BANK1: variants seen among roughly 807,000 people sequenced by gnomAD.
The protein encoded by BANK1 is B-cell scaffold protein with ankyrin repeats.
Under a neutral mutation model 94.5 loss-of-function variants are expected in BANK1, and 95 were observed. The observed-to-expected ratio is 1.00, with a 90% CI of 0.85 to 1.19. The LOEUF (loss-of-function observed/expected upper bound fraction) is 1.19, where lower values mean the gene tolerates loss of function less well. Among genes scored for constraint, BANK1 ranks in the 50% most tolerant of loss-of-function variants. The pLI is 0.00. For synonymous variants in BANK1, 334 were observed against 308.4 expected (o/e 1.08, Z -0.87); for missense variants, 987 against 932.2 (o/e 1.06, Z -0.77).
chr4:102,063,195 A>C (rs1728482672), intron 13 of BANK1, 57 bp downstream of exon 13: 4 of 1,474,350 alleles, frequency 2.7e-6, no homozygotes, highest in African/African-American at 2.8e-5. Context: ...TGAAAATTCA[A>C]GGACTGTGGA....
At chr4:102,052,120 T>TC (rs1333432059) in intron 11 of BANK1, among the ~76,000 whole-genome samples, 17 of 84,882 alleles carry the variant, frequency 2.0e-4, no homozygotes, top group Middle Eastern at 4.9e-3. Flanking sequence ...TTTCTTTTTT[T>TC]TTTTTTTTTT....
chr4:102,030,182 TCATTATAAATAGACCTCCTGCCCC>T lies in BANK1; in HGVS notation c.1820_1843del (p.Ile607_Pro614del). The T allele has an allele frequency of 1.2e-6, 2 of 1,614,064 alleles. No homozygotes were observed. The highest frequency in any genetic ancestry group is 1.7e-6 in the Non-Finnish European group (2 of 1,179,978). On this transcript the variant is annotated inframe_deletion, in exon 10 of 17. Coordinates refer to ENST00000322953, the MANE Select transcript of BANK1 (RefSeq NM_017935.5). ...AAGAAAAAAACTGGGAGTCGGTCTTTCATTATAAATAGACCTCCTGCCCCCACACCCCGACCCACAAGTATACCT... is the reference window on the plus strand; with the variant it reads ...AAGAAAAAAACTGGGAGTCGGTCTTTCACACCCCGACCCACAAGTATACCT...
At chr4:101,874,209 T>C (rs1314688868) in intron 5 of BANK1, among the ~76,000 whole-genome samples, 2 of 152,226 alleles carry the variant, frequency 1.3e-5, no homozygotes, top group Non-Finnish European at 2.9e-5. Context: ...TTTGATTTGC[T>C]GCCTGCAAAT....
At chr4:102,037,393 T>A (rs1727544343) in intron 10 of BANK1, among the ~76,000 whole-genome samples, 1 of 152,212 alleles carries the variant, frequency 6.6e-6, no homozygotes, top group Admixed American at 6.5e-5. Flanking sequence ...ATAGATGAAA[T>A]CACAGGTGCA....
intron 1 of BANK1, among the ~76,000 whole-genome samples, chr4:101,812,047 G>GT (rs1230483651): frequency 5.3e-5 from 8 of 151,790 alleles, no homozygotes; most frequent in Non-Finnish European, 7.4e-5. Context: ...TAATATTGAG[G>GT]TTTTTTATCA....
At chr4:101,796,336 A>G (rs1447081480) in intron 1 of BANK1, among the ~76,000 whole-genome samples, 5 of 149,576 alleles carry the variant, frequency 3.3e-5, no homozygotes, top group Non-Finnish European at 5.9e-5. Flanking sequence ...TTTTGGGAGG[A>G]AAAAAAAAGT....
intron 6 of BANK1, among the ~76,000 whole-genome samples, chr4:101,917,644 G>A (rs573337847): frequency 3.8e-4 from 58 of 151,890 alleles, no homozygotes; most frequent in Non-Finnish European, 6.3e-4. Context: ...GCAGAATTTC[G>A]TTATTTAGCG....
At chr4:102,033,153 C>T (rs1004371103) in intron 10 of BANK1, among the ~76,000 whole-genome samples, 3 of 152,262 alleles carry the variant, frequency 2.0e-5, no homozygotes, top group Non-Finnish European at 4.4e-5. Flanking sequence ...GAAATTTCAC[C>T]ATTCAGAATG....
At chr4:101,971,707 A>C (rs1724959610) in intron 7 of BANK1, among the ~76,000 whole-genome samples, 1 of 152,104 alleles carries the variant, frequency 6.6e-6, no homozygotes, top group South Asian at 2.1e-4. Context: ...ATGTAGCTGC[A>C]TCCAGTTTTC....
rs141134020 is a variant in BANK1, at chr4:102,036,000, G to A, written c.1900+5735G>A. ...ATAGATACATTGGTAGTGAAACTAC[G>A]TCCATAAATCATGCAAAGAGATGAA... On this transcript the variant is annotated intron_variant, in intron 10 of 16. Coordinates refer to ENST00000322953, the MANE Select transcript of BANK1 (RefSeq NM_017935.5). 8.7e-3 allele frequency among the ~76,000 whole-genome samples: 1,326 copies of A among 152,280 alleles called. 22 individuals carry two copies. The highest frequency in any genetic ancestry group is 0.03 in the African/African-American group (1,231 of 41,560).
At chr4:102,019,673 A>G (rs1312531480) in intron 7 of BANK1, among the ~76,000 whole-genome samples, 2 of 152,226 alleles carry the variant, frequency 1.3e-5, no homozygotes, top group Non-Finnish European at 2.9e-5. Context: ...CTTTGAAGCC[A>G]TCATTGATTT....
At chr4:101,991,164 G>A (rs984103424) in intron 7 of BANK1, among the ~76,000 whole-genome samples, 19 of 152,200 alleles carry the variant, frequency 1.2e-4, no homozygotes, top group African/African-American at 4.3e-4. Flanking sequence ...GGACTGAGTT[G>A]GGATTTGAAT....
intron 1 of BANK1, among the ~76,000 whole-genome samples, chr4:101,817,944 C>T (rs1725982204): frequency 6.6e-6 from 1 of 151,710 alleles, no homozygotes; most frequent in Non-Finnish European, 1.5e-5. Flanking sequence ...AGATTGGATA[C>T]CCCTGCTATA....
At chr4:101,956,633 A>G (rs1185464468) in intron 7 of BANK1, among the ~76,000 whole-genome samples, 1 of 151,848 alleles carries the variant, frequency 6.6e-6, no homozygotes, top group African/African-American at 2.4e-5. Flanking sequence ...TGAAGCTTAA[A>G]CTCTCTGCTT....
At position 101,830,241 on chromosome 4, in the gene BANK1, TTTG is replaced by T. The variant is rs1726561756; in HGVS notation, c.469+38_469+40del. 1.0e-5 allele frequency: 14 copies of T among 1,381,066 alleles called. No homozygotes were observed. In the East Asian group the frequency reaches 1.6e-4, roughly 15 times the overall value. 85.6% of individuals were successfully genotyped at this position (1,381,066 alleles called of 1,614,324 possible). On this transcript the variant is annotated intron_variant, in intron 2 of 16. Coordinates refer to ENST00000322953, the MANE Select transcript of BANK1 (RefSeq NM_017935.5). ...CCAAACCTTGTTTGTTTTATTTTTATTTGTTTTTTTTTTTTTGTAATTAAAGAA... is the reference window on the plus strand; with the variant it reads ...CCAAACCTTGTTTGTTTTATTTTTATTTTTTTTTTTTTTGTAATTAAAGAA...
intron 12 of BANK1, chr4:102,061,848 T>C (rs1031098324): frequency 1.3e-5 from 2 of 152,182 alleles, no homozygotes; most frequent in African/African-American, 4.8e-5. Flanking sequence ...TAATGAATAT[T>C]GTTCATGCTT....
chr4:102,017,393 T>C (rs73834559), intron 7 of BANK1, among the ~76,000 whole-genome samples: 23,003 of 152,118 alleles, frequency 0.15, 2,571 homozygotes, highest in African/African-American at 0.31. Flanking sequence ...AAGCCTGATA[T>C]TCATAACTGT....
intron 7 of BANK1, among the ~76,000 whole-genome samples, chr4:101,934,849 A>G (rs368966101): frequency 8.1e-4 from 122 of 151,514 alleles, no homozygotes; most frequent in African/African-American, 2.8e-3. Flanking sequence ...CAATGCCACA[A>G]TTCTTCATTG....
chr4:101,906,621 T>C (rs1315838902), intron 6 of BANK1, among the ~76,000 whole-genome samples: 1 of 152,200 alleles, frequency 6.6e-6, no homozygotes, highest in Non-Finnish European at 1.5e-5. Flanking sequence ...TAACCTCTTC[T>C]GTTACTTTGC....
Sources: gnomAD v4.1 joint callset for allele counts (sites outside exome capture counted in the v4.1 genomes callset) on GRCh38, gnomAD v4.1.1 for gene constraint, MANE v1.5 for transcripts, NCBI Gene and HGNC (gene_info 2026-07-23, HGNC 2026-07-21) for gene names.